CIMAP3: variants seen among roughly 807,000 people sequenced by gnomAD.
CIMAP3 encodes ciliary microtubule-associated protein 3.
chr1:111,343,799 T>C, the CIMAP3 span, among the ~76,000 whole-genome samples: 2 of 152,376 alleles, frequency 1.3e-5, no homozygotes, highest in South Asian at 2.1e-4. Flanking sequence ...ACATTGGCAA[T>C]ATGAACAGAG....
the CIMAP3 span, among the ~76,000 whole-genome samples, chr1:111,335,628 G>C: frequency 6.6e-6 from 1 of 152,220 alleles, no homozygotes; most frequent in Non-Finnish European, 1.5e-5. Context: ...AAACTGCAAG[G>C]GGGCAGCGAG....
the CIMAP3 span, among the ~76,000 whole-genome samples, chr1:111,336,354 T>C: frequency 2.0e-5 from 3 of 152,216 alleles, no homozygotes; most frequent in East Asian, 1.9e-4. Flanking sequence ...GGACGGAGAA[T>C]GACTTTGACG....
chr1:111,335,781 C>A, the CIMAP3 span, among the ~76,000 whole-genome samples: 1,207 of 152,330 alleles, frequency 7.9e-3, 16 homozygotes, highest in African/African-American at 0.027. Flanking sequence ...AGGCACAGAC[C>A]AACAAAAAGG....
At chr1:111,331,636 A>G in the CIMAP3 span, among the ~76,000 whole-genome samples, 1 of 151,966 alleles carries the variant, frequency 6.6e-6, no homozygotes, top group African/African-American at 2.4e-5. Context: ...CATTCTTTGT[A>G]TCTCACTAGG....
At chr1:111,342,978 T>C in the CIMAP3 span, among the ~76,000 whole-genome samples, 1 of 152,122 alleles carries the variant, frequency 6.6e-6, no homozygotes, top group Non-Finnish European at 1.5e-5. Flanking sequence ...CTGGTTTTGG[T>C]TTTCTAGAGA....
At chr1:111,334,285 A>G in the CIMAP3 span, among the ~76,000 whole-genome samples, 1 of 152,222 alleles carries the variant, frequency 6.6e-6, no homozygotes, top group Admixed American at 6.5e-5. Flanking sequence ...TCTCAGAGAG[A>G]AAAGTGGTGA....
At chr1:111,341,361 TA>T in the CIMAP3 span, among the ~76,000 whole-genome samples, 3,173 of 149,758 alleles carry the variant, frequency 0.021, 114 homozygotes, top group African/African-American at 0.072. Flanking sequence ...AGTATAATAA[TA>T]AAAAAAAAAT....
At chr1:111,346,867 C>T in the CIMAP3 span, 3 of 1,606,504 alleles carry the variant, frequency 1.9e-6, no homozygotes, top group East Asian at 2.2e-5. Flanking sequence ...TCACGTAGAC[C>T]CAGGTGCCGT....
At chr1:111,330,823 GC>G in the CIMAP3 span, among the ~76,000 whole-genome samples, 1 of 152,224 alleles carries the variant, frequency 6.6e-6, no homozygotes, top group East Asian at 1.9e-4. Flanking sequence ...AGTGCAATCA[GC>G]CCAGGATGGA....
chr1:111,332,866 GGCCTGTGAATTTCTCAGTCCTGGGGC>G, the CIMAP3 span, among the ~76,000 whole-genome samples: 1 of 152,150 alleles, frequency 6.6e-6, no homozygotes, highest in Admixed American at 6.5e-5. Context: ...CTCCAGGGGC[GGCCTGTGAATTTCTCAGTCCTGGGGC>G]ATAGATACAT....
the CIMAP3 span, among the ~76,000 whole-genome samples, chr1:111,335,443 T>C: frequency 1.3e-5 from 2 of 152,244 alleles, no homozygotes; most frequent in East Asian, 3.9e-4. Context: ...TTCCCTTTCA[T>C]AGTCATAGAA....
the CIMAP3 span, among the ~76,000 whole-genome samples, chr1:111,333,913 C>T: frequency 1.3e-5 from 2 of 152,260 alleles, no homozygotes; most frequent in Admixed American, 1.3e-4. Flanking sequence ...AGCTGGAAGG[C>T]CTGGTCTGTC....
chr1:111,335,158 G>GA, the CIMAP3 span, among the ~76,000 whole-genome samples: 1,489 of 97,246 alleles, frequency 0.015, 31 homozygotes, highest in African/African-American at 0.049. Flanking sequence ...AAAAAAGACA[G>GA]AAAAAAAAAG....
chr1:111,348,545 GA>G, the CIMAP3 span: 73 of 1,608,688 alleles, frequency 4.5e-5, no homozygotes, highest in East Asian at 1.6e-3. Context: ...GCAGGTACCA[GA>G]AAGTAAGTCC....
the CIMAP3 span, chr1:111,348,565 A>G: frequency 6.2e-7 from 1 of 1,612,266 alleles, no homozygotes; most frequent in Non-Finnish European, 8.5e-7. Context: ...CCTCAGCAGG[A>G]AAAACACAAA....
chr1:111,351,234 T>C, the CIMAP3 span: 1 of 1,593,964 alleles, frequency 6.3e-7, no homozygotes, highest in Non-Finnish European at 8.6e-7. Flanking sequence ...AGAATATTGA[T>C]CTAGAAAACG....
chr1:111,330,866 C>A, the CIMAP3 span, among the ~76,000 whole-genome samples: 4 of 152,166 alleles, frequency 2.6e-5, no homozygotes, highest in African/African-American at 9.7e-5. Context: ...GCCAGGGGTT[C>A]CTTGTCTGGT....
the CIMAP3 span, among the ~76,000 whole-genome samples, chr1:111,342,563 C>T: frequency 6.6e-6 from 1 of 152,204 alleles, no homozygotes; most frequent in African/African-American, 2.4e-5. Flanking sequence ...GCTGAACAGC[C>T]ACTCTGATTT....
chr1:111,333,437 T>C, the CIMAP3 span, among the ~76,000 whole-genome samples: 1 of 152,148 alleles, frequency 6.6e-6, no homozygotes, highest in Admixed American at 6.5e-5. Context: ...GCTTGGCTGA[T>C]AGAGGGGTGA....
Sources: gnomAD v4.1 joint callset for allele counts (sites outside exome capture counted in the v4.1 genomes callset) on GRCh38, gnomAD v4.1.1 for gene constraint, MANE v1.5 for transcripts, NCBI Gene and HGNC (gene_info 2026-07-23, HGNC 2026-07-21) for gene names.